DENND4C: variants seen among roughly 807,000 people sequenced by gnomAD.
DENND4C encodes DENN domain containing 4C.
DENND4C carries 108 observed loss-of-function variants against 203.0 expected under a neutral mutation model. The ratio of observed to expected loss-of-function variants is 0.53; its 90% confidence interval spans 0.46 to 0.62. The LOEUF (loss-of-function observed/expected upper bound fraction) is 0.62. Ranked by LOEUF, DENND4C falls within the 20% of genes least tolerant of loss-of-function variation. The probability of loss-of-function intolerance (pLI) is 0.00; values close to 1 mark genes in which losing one functional copy is unlikely to be tolerated. For synonymous variants in DENND4C, 871 were observed against 792.4 expected (o/e 1.10, Z -1.67); for missense variants, 2,481 against 2,301.2 (o/e 1.08, Z -1.60).
chr9:19,240,164 A>C (rs2131430279), intron 1 of DENND4C, among the ~76,000 whole-genome samples: 1 of 152,236 alleles, frequency 6.6e-6, no homozygotes, highest in Middle Eastern at 3.4e-3. Context: ...ATCATTGGGC[A>C]ATTTCTTTAT....
Position 19,268,198 on chromosome 9 carries a change from T to C in DENND4C, c.-17-7960T>C, listed in dbSNP as rs563615644. ...CACTGTAGCCTCGACCTCTCCGGCT[T>C]AAGCCATCCCTGCACCTCAGCCTCC... On this transcript the variant is annotated intron_variant, in intron 1 of 32. Coordinates refer to ENST00000434457, the MANE Select transcript of DENND4C (RefSeq NM_001330640.2). Among the ~76,000 whole-genome samples, 25 of 152,012 alleles carry C rather than the reference T, an allele frequency of 1.6e-4. 2 individuals carry two copies. The highest frequency in any genetic ancestry group is 7.8e-4 in the East Asian group (4 of 5,156).
At chr9:19,352,033 A>C in intron 24 of DENND4C, 40 bp from the exon 25 acceptor site, 1 of 1,553,770 alleles carries the variant, frequency 6.4e-7, no homozygotes, top group African/African-American at 1.4e-5. Context: ...AAACAAGGAC[A>C]TTCCTTACTT....
At chr9:19,339,536 C>T (rs2131898798) in intron 20 of DENND4C, among the ~76,000 whole-genome samples, 1 of 152,274 alleles carries the variant, frequency 6.6e-6, no homozygotes. Context: ...TTGTCACGTC[C>T]TACAGGCACA....
chr9:19,324,115 C>T (rs968105536), intron 12 of DENND4C, among the ~76,000 whole-genome samples: 2 of 151,612 alleles, frequency 1.3e-5, no homozygotes, highest in Non-Finnish European at 2.9e-5. Flanking sequence ...GTCTCATCCC[C>T]AAGATATGTG....
chr9:19,287,136 T>C, intron 3 of DENND4C, 115 bp downstream of exon 3: 1 of 971,472 alleles, frequency 1.0e-6, no homozygotes, highest in Non-Finnish European at 1.3e-6. Flanking sequence ...TGATGCTTGT[T>C]TTTATTTTTC....
In DENND4C at chr9:19,289,373, C is replaced by G. The variant is rs190223194; in HGVS notation, c.628+708C>G. On this transcript the variant is annotated intron_variant, in intron 4 of 32. Transcript: ENST00000434457. ...GTGCTAATTACTATTTGATTATGCA[C>G]AGTTCTTGAAATAAAGTTTTACTTC... 1.5e-4 allele frequency among the ~76,000 whole-genome samples: 23 copies of G among 152,286 alleles called. No homozygotes were observed. The East Asian group carries it at 4.2e-3, about 28-fold the overall frequency.
At chr9:19,244,356 CTTG>C (rs1554708730) in intron 1 of DENND4C, among the ~76,000 whole-genome samples, 11 of 151,910 alleles carry the variant, frequency 7.2e-5, no homozygotes, top group Non-Finnish European at 1.6e-4. Flanking sequence ...TGTCCTATCT[CTTG>C]TTTGTTCCTT....
At chr9:19,238,863 G>T (rs1822969140) in intron 1 of DENND4C, among the ~76,000 whole-genome samples, 1 of 150,622 alleles carries the variant, frequency 6.6e-6, no homozygotes, top group Admixed American at 6.7e-5. Flanking sequence ...ATGTTGGTCA[G>T]GCTGGTCTCG....
chr9:19,336,600 C>A, intron 19 of DENND4C, 86 bp from the exon 20 acceptor site: 1 of 1,453,898 alleles, frequency 6.9e-7, no homozygotes, highest in South Asian at 1.5e-5. Flanking sequence ...TGTTCTGCAA[C>A]TATAAATGAA....
At chr9:19,350,613 G>C (rs941096467) in intron 23 of DENND4C, 89 bp from the exon 24 acceptor site, 2 of 1,088,088 alleles carry the variant, frequency 1.8e-6, no homozygotes, top group African/African-American at 1.6e-5. Flanking sequence ...AAGGATTATA[G>C]AGTTTAATTT....
In DENND4C at chr9:19,316,875, G is replaced by A. The variant is rs755749496; in HGVS notation, c.1807+36G>A. On this transcript the variant is annotated intron_variant, in intron 12 of 32. Coordinates refer to ENST00000434457, the MANE Select transcript of DENND4C (RefSeq NM_001330640.2). ...TTGAAAGTACAATTCCTTTTATTGA[G>A]GTGAAAAATATTTTATATTTGATGT... 2.1e-5 allele frequency: 32 copies of A among 1,517,326 alleles called. No individual in the cohort carries two copies. In the Admixed American group the frequency reaches 5.8e-4, roughly 28 times the overall value. The allele number at this position is 1,517,326 out of a possible 1,614,324, so 94.0% of individuals were successfully genotyped here. A position where few individuals can be genotyped will look rare whatever the true frequency, so the allele number is the denominator to read the frequency against.
intron 2 of DENND4C, among the ~76,000 whole-genome samples, chr9:19,282,306 A>G (rs944442919): frequency 6.9e-5 from 10 of 144,606 alleles, no homozygotes; most frequent in Non-Finnish European, 6.1e-5. Context: ...CCCAGGCTGG[A>G]GTGTAGTGGT....
chr9:19,263,189 A>G (rs1010401671), intron 1 of DENND4C, among the ~76,000 whole-genome samples: 2 of 152,200 alleles, frequency 1.3e-5, no homozygotes, highest in African/African-American at 4.8e-5. Context: ...ATCAATTGAA[A>G]TGATCATATG....
At chr9:19,268,014 C>G (rs1268619649) in intron 1 of DENND4C, among the ~76,000 whole-genome samples, 1 of 151,720 alleles carries the variant, frequency 6.6e-6, no homozygotes, top group Non-Finnish European at 1.5e-5. Context: ...TCCTTCCCAT[C>G]TTCCTTTATG....
At chr9:19,304,821 T>C (rs1327648385) in intron 9 of DENND4C, among the ~76,000 whole-genome samples, 1 of 151,886 alleles carries the variant, frequency 6.6e-6, no homozygotes, top group African/African-American at 2.4e-5. Flanking sequence ...AGTGCTGGGA[T>C]TACAGGCGTG....
At chr9:19,282,573 A>T (rs1338623146) in intron 2 of DENND4C, among the ~76,000 whole-genome samples, 8 of 146,246 alleles carry the variant, frequency 5.5e-5, no homozygotes, top group Non-Finnish European at 1.2e-4. Flanking sequence ...AAAAAAAAAA[A>T]AATAATGGGG....
chr9:19,244,239 C>G (rs73423061), intron 1 of DENND4C, among the ~76,000 whole-genome samples: 33,300 of 152,020 alleles, frequency 0.22, 3,760 homozygotes, highest in African/African-American at 0.25. Flanking sequence ...CCATGTTAGC[C>G]AGGCTGGTCT....
intron 1 of DENND4C, among the ~76,000 whole-genome samples, chr9:19,233,651 C>G (rs1262374460): frequency 1.1e-5 from 1 of 93,804 alleles, no homozygotes; most frequent in Non-Finnish European, 2.2e-5. Context: ...GCCTCTGCCT[C>G]CCAGATTGAA....
chr9:19,320,023 G>A (rs1479572002), intron 12 of DENND4C, among the ~76,000 whole-genome samples: 1 of 152,064 alleles, frequency 6.6e-6, no homozygotes, highest in African/African-American at 2.4e-5. Flanking sequence ...CTGTAAACTT[G>A]TGGTAGGTTC....
Sources: gnomAD v4.1 joint callset for allele counts (sites outside exome capture counted in the v4.1 genomes callset) on GRCh38, gnomAD v4.1.1 for gene constraint, MANE v1.5 for transcripts, NCBI Gene and HGNC (gene_info 2026-07-23, HGNC 2026-07-21) for gene names.